ARSL: variants seen among roughly 807,000 people sequenced by gnomAD.
ARSL encodes the protein arylsulfatase L.
Under a neutral mutation model 31.1 loss-of-function variants are expected in ARSL, and 4 were observed. That is an observed-to-expected ratio of 0.13 (90% CI 0.06 to 0.29). The LOEUF is 0.29. ARSL is among the 10% of genes least tolerant of loss of function. ARSL has a pLI of 1.00. For synonymous variants in ARSL, 198 were observed against 209.9 expected (o/e 0.94, Z 0.49); for missense variants, 312 against 497.8 (o/e 0.63, Z 3.55).
intron 7 of ARSL, among the ~76,000 whole-genome samples, chrX:2,944,085 G>A (rs1398273785): frequency 9.0e-6 from 1 of 110,706 alleles, no homozygotes; most frequent in Non-Finnish European, 1.9e-5. Flanking sequence ...AGGCTGAGGT[G>A]GGAGGATTGC....
intron 1 of ARSL, among the ~76,000 whole-genome samples, chrX:2,960,797 C>T (rs1373206713): frequency 1.8e-5 from 2 of 111,239 alleles, no homozygotes; most frequent in Non-Finnish European, 3.8e-5. Flanking sequence ...TTCCCGAGCC[C>T]AGGGCAGGGG....
Position 2,957,688 on chromosome X carries a change from A to G in ARSL, c.185+586T>C, listed in dbSNP as rs189932343. 7.7e-3 allele frequency among the ~76,000 whole-genome samples: 802 copies of G among 104,307 alleles called. 11 individuals carry two copies. Among genetic ancestry groups the G allele is most frequent in the African/African-American group, 0.027 (749 of 27,839 alleles). 90.6% of individuals were successfully genotyped at this position (104,307 alleles called of 115,157 possible). On this transcript the variant is annotated intron_variant, in intron 3 of 10. Transcript: ENST00000381134. ...CGCACCACTGCACTCCAGCCTGGGC[A>G]ACACAGTGAGATTCTGTCTCAAAAA...
In ARSL at chrX:2,936,944, C is replaced by G. The variant is rs1209124587; in HGVS notation, c.1290-81G>C. ...TCCCTCCAGCATCCACCAGTCCCAGCCCCAGGTGGTGCACTCTCCTTATGT... is the reference window on the plus strand; with the variant it reads ...TCCCTCCAGCATCCACCAGTCCCAGGCCCAGGTGGTGCACTCTCCTTATGT... On this transcript the variant is annotated intron_variant, in intron 9 of 10. Coordinates refer to ENST00000381134, the MANE Select transcript of ARSL (RefSeq NM_000047.3). The G allele has an allele frequency of 6.9e-6, 8 of 1,154,731 alleles. No homozygotes were observed. In the East Asian group the frequency reaches 2.1e-4, roughly 31 times the overall value.
chrX:2,958,857 C>T (rs918186903), intron 2 of ARSL, among the ~76,000 whole-genome samples: 2 of 111,406 alleles, frequency 1.8e-5, no homozygotes, highest in South Asian at 3.8e-4. Flanking sequence ...CGTGGTGGCA[C>T]GTGCCTGTAG....
At chrX:2,960,320 GAGAAAGAA>G (rs377714899) in intron 2 of ARSL, 50 bp downstream of exon 2, 8 of 546,717 alleles carry the variant, frequency 1.5e-5, no homozygotes, top group African/African-American at 1.1e-4. Flanking sequence ...AAGGAAGGAA[GAGAAAGAA>G]AGAAAGAAAG....
chrX:2,951,845 A>G (rs1444046381), intron 5 of ARSL, among the ~76,000 whole-genome samples: 2 of 102,138 alleles, frequency 2.0e-5, no homozygotes, highest in Non-Finnish European at 4.0e-5. Flanking sequence ...CCTTTGTTTG[A>G]CAGCGATGAC....
chrX:2,962,778 G>T (rs766641056), intron 1 of ARSL, among the ~76,000 whole-genome samples: 1 of 111,747 alleles, frequency 8.9e-6, no homozygotes, highest in Non-Finnish European at 1.9e-5. Flanking sequence ...GTCAAGCGGG[G>T]AACTGCTTAG....
intron 6 of ARSL, among the ~76,000 whole-genome samples, 188 bp from the exon 7 acceptor site, chrX:2,946,322 C>CTTTT (rs747661858): frequency 5.8e-5 from 4 of 69,112 alleles, no homozygotes; most frequent in African/African-American, 1.9e-4. Flanking sequence ...AACAATCTTC[C>CTTTT]TTTTTTTTTT....
At chrX:2,943,629 C>G (rs2089313292) in intron 7 of ARSL, among the ~76,000 whole-genome samples, 1 of 105,714 alleles carries the variant, frequency 9.5e-6, no homozygotes. Context: ...GTAGTACCAG[C>G]TACTTGGGAG....
intron 6 of ARSL, 61 bp downstream of exon 6, chrX:2,949,239 CTATT>C: frequency 2.6e-6 from 3 of 1,166,966 alleles, no homozygotes; most frequent in Non-Finnish European, 3.5e-6. Context: ...CTGAAGAAGA[CTATT>C]TAGGATGCGT....
At chrX:2,939,899 CT>C (rs1162529977) in intron 8 of ARSL, among the ~76,000 whole-genome samples, 1 of 74,683 alleles carries the variant, frequency 1.3e-5, no homozygotes, top group East Asian at 5.0e-4. Flanking sequence ...GAGACAGAGT[CT>C]TACTCTGTCA....
At chrX:2,936,249 C>G (rs1212775466) in intron 10 of ARSL, among the ~76,000 whole-genome samples, 3 of 110,089 alleles carry the variant, frequency 2.7e-5, no homozygotes, top group African/African-American at 1.0e-4. Context: ...GCAGGAGAAT[C>G]ACTTGAACCC....
intron 5 of ARSL, among the ~76,000 whole-genome samples, chrX:2,952,612 G>T (rs1238651099): frequency 9.0e-6 from 1 of 111,670 alleles, no homozygotes; most frequent in Non-Finnish European, 1.9e-5. Context: ...CAAACATTTA[G>T]ATGGCAGCAC....
rs41308353 is a variant in ARSL at position 2,935,171 on chromosome X, G to T, written c.1431C>A (p.Val477=). ...HQRDRGTMWK[V]HFVTPVFQPE... Reference sequence around the variant, plus strand: ...GCTGGAACACAGGCGTCACAAAGTGGACTTTCCACATTGTTCCTCCTGGTG... The same window carrying T: ...GCTGGAACACAGGCGTCACAAAGTGTACTTTCCACATTGTTCCTCCTGGTG... Residue 477 remains valine, a synonymous_variant, in exon 11 of 11, where the codon GTC becomes GTA. Coordinates refer to ENST00000381134, the MANE Select transcript of ARSL (RefSeq NM_000047.3). 1.1e-5 allele frequency: 13 copies of T among 1,209,409 alleles called. No homozygotes were observed. Among genetic ancestry groups the T allele is most frequent in the Non-Finnish European group, 1.5e-5 (13 of 894,905 alleles).
At chrX:2,965,638 C>T (rs1402399981), upstream of ARSL, among the ~76,000 whole-genome samples, 10 of 109,838 alleles carry the variant, frequency 9.1e-5, no homozygotes, top group African/African-American at 3.0e-4. Context: ...CGGTGGCTCA[C>T]GCCTGTAATC....
Position 2,955,485 on chromosome X carries a change from T to C in ARSL, c.238A>G (p.Ile80Val). 1 of 1,211,248 alleles carries C rather than the reference T, an allele frequency of 8.3e-7. No individual in the cohort carries two copies. Among genetic ancestry groups the C allele is most frequent in the South Asian group, 1.8e-5 (1 of 56,886 alleles). ...GGGGTGCACAAAGATGCGGCAGAGATGTGTTGGGTCAGCTTCACGCCGTCC... is the reference window on the plus strand; with the variant it reads ...GGGGTGCACAAAGATGCGGCAGAGACGTGTTGGGTCAGCTTCACGCCGTCC... ...AEDGVKLTQH[I>V]SAASLCTPSR... The change falls in exon 4 of 11, where the codon ATC becomes GTC. Residue 80 changes from isoleucine (I) to valine (V), a missense_variant. Physicochemically the swap from Ile to Val is conservative, Grantham distance 29. Transcript: ENST00000381134.
At chrX:2,958,655 C>T (rs966458103) in intron 2 of ARSL, among the ~76,000 whole-genome samples, 6 of 111,342 alleles carry the variant, frequency 5.4e-5, no homozygotes, top group African/African-American at 2.0e-4. Context: ...TTTTTTGATG[C>T]TGTAAAGTCT....
chrX:2,953,313 C>T (rs749014276), intron 4 of ARSL, 48 bp from the exon 5 acceptor site: 4 of 1,166,242 alleles, frequency 3.4e-6, no homozygotes, highest in Non-Finnish European at 4.6e-6. Flanking sequence ...CATTTTTTTT[C>T]CTGTTTGTTA....
intron 2 of ARSL, among the ~76,000 whole-genome samples, 155 bp downstream of exon 2, chrX:2,960,223 C>G (rs377652186): frequency 5.9e-5 from 4 of 68,014 alleles, no homozygotes; most frequent in Non-Finnish European, 1.1e-4. Context: ...GAGCCGAGAT[C>G]GCGCCACTGC....
Sources: gnomAD v4.1 joint callset for allele counts (sites outside exome capture counted in the v4.1 genomes callset) on GRCh38, gnomAD v4.1.1 for gene constraint, MANE v1.5 for transcripts, NCBI Gene and HGNC (gene_info 2026-07-23, HGNC 2026-07-21) for gene names.